The following SEMA3E variants were observed in gnomAD, a reference collection of about 807,000 sequenced individuals.
The protein encoded by SEMA3E is semaphorin-3E.
A neutral mutation model predicts 93.6 loss-of-function variants in SEMA3E; 49 were observed. That is an observed-to-expected ratio of 0.52 (90% CI 0.42 to 0.66). The LOEUF is 0.66. Among genes scored for constraint, SEMA3E ranks in the 30% least tolerant of loss-of-function variants. The pLI is 0.00. For missense variants in SEMA3E, 906 were observed against 964.8 expected (o/e 0.94, Z 0.81); for synonymous variants, 363 against 330.7 (o/e 1.10, Z -1.06).
At chr7:83,505,871 C>T (rs1308665960) in intron 1 of SEMA3E, among the ~76,000 whole-genome samples, 3 of 151,238 alleles carry the variant, frequency 2.0e-5, no homozygotes, top group African/African-American at 7.3e-5. Context: ...AAAAATTAGC[C>T]GGGTGTGGTG....
At chr7:83,453,255 C>G (rs565583057) in intron 4 of SEMA3E, among the ~76,000 whole-genome samples, 10 of 152,142 alleles carry the variant, frequency 6.6e-5, no homozygotes, top group African/African-American at 2.4e-4. Context: ...GTCTTGAACT[C>G]CTGACCTCCT....
At chr7:83,417,623 A>C (rs1436159438) in intron 5 of SEMA3E, among the ~76,000 whole-genome samples, 1 of 152,040 alleles carries the variant, frequency 6.6e-6, no homozygotes, top group Non-Finnish European at 1.5e-5. Context: ...ATTAGTACCT[A>C]TGTCAGTGTT....
At chr7:83,530,296 G>A (rs531100428) in intron 1 of SEMA3E, among the ~76,000 whole-genome samples, 9 of 152,078 alleles carry the variant, frequency 5.9e-5, no homozygotes, top group South Asian at 4.1e-4. Context: ...TTTTTAAAAC[G>A]TCTTAAATAA....
intron 2 of SEMA3E, among the ~76,000 whole-genome samples, chr7:83,483,067 T>C (rs1186054191): frequency 2.0e-5 from 3 of 151,510 alleles, no homozygotes; most frequent in African/African-American, 7.3e-5. Flanking sequence ...GGATCAGGAG[T>C]TAACTGGGGC....
chr7:83,431,190 C>G, intron 4 of SEMA3E, among the ~76,000 whole-genome samples: 1 of 149,058 alleles, frequency 6.7e-6, no homozygotes, highest in Admixed American at 6.7e-5. Flanking sequence ...ATTTTAATAG[C>G]TAATAACAAC....
At chr7:83,588,226 A>G (rs2115935065) in intron 1 of SEMA3E, among the ~76,000 whole-genome samples, 1 of 152,196 alleles carries the variant, frequency 6.6e-6, no homozygotes, top group Middle Eastern at 3.4e-3. Context: ...CACTAAAAAT[A>G]CAAAAATTAG....
chr7:83,452,166 A>T (rs1789376672), intron 4 of SEMA3E, among the ~76,000 whole-genome samples: 1 of 152,006 alleles, frequency 6.6e-6, no homozygotes, highest in Non-Finnish European at 1.5e-5. Flanking sequence ...TGTGTGTATG[A>T]ATGTCCATGA....
intron 1 of SEMA3E, among the ~76,000 whole-genome samples, chr7:83,598,980 A>C (rs1173587184): frequency 2.0e-5 from 3 of 152,238 alleles, no homozygotes; most frequent in Admixed American, 6.5e-5. Context: ...AAACACAGTC[A>C]CTGGGAAAAC....
chr7:83,451,358 C>T (rs1309364491), intron 4 of SEMA3E, among the ~76,000 whole-genome samples: 1 of 152,088 alleles, frequency 6.6e-6, no homozygotes, highest in African/African-American at 2.4e-5. Context: ...AACAAAAATT[C>T]ACCAAATTTA....
intron 1 of SEMA3E, among the ~76,000 whole-genome samples, chr7:83,628,132 T>G (rs779259819): frequency 1.4e-4 from 21 of 152,188 alleles, no homozygotes; most frequent in Non-Finnish European, 2.8e-4. Context: ...TTTAAGAATG[T>G]TGAATGTTGA....
At chr7:83,640,697 C>T (rs1793990633) in intron 1 of SEMA3E, among the ~76,000 whole-genome samples, 1 of 152,042 alleles carries the variant, frequency 6.6e-6, no homozygotes, top group Admixed American at 6.6e-5. Flanking sequence ...CACAGAAGGC[C>T]AATGAATACA....
chr7:83,559,682 A>G (rs1791987846), intron 1 of SEMA3E, among the ~76,000 whole-genome samples: 1 of 152,016 alleles, frequency 6.6e-6, no homozygotes, highest in Admixed American at 6.6e-5. Flanking sequence ...AAAACTAAAC[A>G]CATTCTTACC....
intron 4 of SEMA3E, among the ~76,000 whole-genome samples, chr7:83,446,411 G>C (rs1437596186): frequency 6.6e-6 from 1 of 152,180 alleles, no homozygotes; most frequent in African/African-American, 2.4e-5. Context: ...GAATTATAAA[G>C]GTGAATACAC....
intron 1 of SEMA3E, among the ~76,000 whole-genome samples, chr7:83,532,018 T>G (rs186944766): frequency 6.9e-4 from 105 of 152,324 alleles, no homozygotes; most frequent in African/African-American, 2.3e-3. Flanking sequence ...CGTGACTTTT[T>G]AAAGTTAGCA....
chr7:83,428,224 T>A (rs919868235), intron 4 of SEMA3E, among the ~76,000 whole-genome samples: 3 of 152,196 alleles, frequency 2.0e-5, no homozygotes, highest in African/African-American at 7.2e-5. Context: ...GCCAACTCAA[T>A]AAAATGAGTT....
chr7:83,604,233 G>A (rs148488158), intron 1 of SEMA3E, among the ~76,000 whole-genome samples: 190 of 152,038 alleles, frequency 1.2e-3, no homozygotes, highest in Middle Eastern at 7.0e-3. Flanking sequence ...AGTTTAATAA[G>A]TAAAACGCAT....
intron 1 of SEMA3E, among the ~76,000 whole-genome samples, chr7:83,550,017 A>G (rs981450858): frequency 1.3e-5 from 2 of 152,030 alleles, no homozygotes; most frequent in African/African-American, 4.8e-5. Flanking sequence ...TTAGTCCATA[A>G]TTTTTGCAAT....
At chr7:83,497,677 A>T (rs1201756765) in intron 1 of SEMA3E, among the ~76,000 whole-genome samples, 3 of 152,170 alleles carry the variant, frequency 2.0e-5, no homozygotes, top group East Asian at 1.9e-4. Flanking sequence ...TTAACTTTTT[A>T]AAAACTATAA....
At chr7:83,575,201 A>G (rs138097209) in intron 1 of SEMA3E, among the ~76,000 whole-genome samples, 2 of 151,952 alleles carry the variant, frequency 1.3e-5, no homozygotes, top group East Asian at 3.9e-4. Flanking sequence ...AAATAACAGC[A>G]CACTCCCACC....
Sources: allele counts gnomAD v4.1 joint callset (sites outside exome capture counted in the v4.1 genomes callset), GRCh38; gene constraint gnomAD v4.1.1; transcripts MANE v1.5; gene names NCBI Gene and HGNC (gene_info 2026-07-23, HGNC 2026-07-21).